MAP2K5: variants seen among roughly 807,000 people sequenced by gnomAD.
MAP2K5 encodes mitogen-activated protein kinase kinase 5, also known as dual specificity mitogen-activated protein kinase kinase 5.
Under a neutral mutation model 83.1 loss-of-function variants are expected in MAP2K5, and 49 were observed. That is an observed-to-expected ratio of 0.59 (90% CI 0.47 to 0.75). The LOEUF is 0.75. MAP2K5 is among the 30% of genes least tolerant of loss of function. The pLI, the probability that MAP2K5 is intolerant of heterozygous loss-of-function variation, is 0.00. For missense variants in MAP2K5, 457 were observed against 557.5 expected (o/e 0.82, Z 1.82); for synonymous variants, 202 against 191.8 (o/e 1.05, Z -0.44).
intron 15 of MAP2K5, among the ~76,000 whole-genome samples, chr15:67,699,636 A>C (rs2088362045): frequency 6.6e-6 from 1 of 152,178 alleles, no homozygotes; most frequent in South Asian, 2.1e-4. Context: ...GAACCTCTCC[A>C]AAATTTTTCT....
At chr15:67,662,017 C>T (rs1203390520) in intron 12 of MAP2K5, among the ~76,000 whole-genome samples, 1 of 151,938 alleles carries the variant, frequency 6.6e-6, no homozygotes, top group Non-Finnish European at 1.5e-5. Flanking sequence ...GTCTTCCTGT[C>T]CAGAATACAT....
At chr15:67,609,400 TATA>T (rs2085855307) in intron 8 of MAP2K5, among the ~76,000 whole-genome samples, 2 of 150,080 alleles carry the variant, frequency 1.3e-5, no homozygotes, top group African/African-American at 2.5e-5. Flanking sequence ...CTATAGATTC[TATA>T]GACCTATTCT....
intron 16 of MAP2K5, among the ~76,000 whole-genome samples, chr15:67,725,744 A>G (rs1428375158): frequency 6.6e-6 from 1 of 152,208 alleles, no homozygotes; most frequent in Non-Finnish European, 1.5e-5. Context: ...TCACTGTGAT[A>G]CCTGTTAAGA....
intron 21 of MAP2K5, 95 bp from the exon 22 acceptor site, chr15:67,806,551 A>C: frequency 1.2e-5 from 13 of 1,067,654 alleles, no homozygotes; most frequent in Non-Finnish European, 1.5e-5. Context: ...TACTGGGGAA[A>C]GAGATCAGAT....
At chr15:67,754,552 T>G (rs2089789783) in intron 19 of MAP2K5, among the ~76,000 whole-genome samples, 1 of 152,210 alleles carries the variant, frequency 6.6e-6, no homozygotes, top group Non-Finnish European at 1.5e-5. Context: ...GAATTAGATT[T>G]GATTCATTAT....
At chr15:67,700,872 G>T (rs1027655750) in intron 15 of MAP2K5, among the ~76,000 whole-genome samples, 4 of 150,500 alleles carry the variant, frequency 2.7e-5, no homozygotes, top group African/African-American at 9.8e-5. Context: ...CCTTAAAAGA[G>T]TTCTCTTATT....
Position 67,681,161 on chromosome 15 carries a change from C to G in MAP2K5, c.848-11318C>G, listed in dbSNP as rs1322729663. On this transcript the variant is annotated intron_variant, in intron 13 of 21. Transcript: ENST00000178640. ...CAGGCCCACTTCATTCTCTTAACAGCCTTGTCAATGTAGGAAGATCAGATA... is the reference window on the plus strand; with the variant it reads ...CAGGCCCACTTCATTCTCTTAACAGGCTTGTCAATGTAGGAAGATCAGATA... 3.9e-5 allele frequency among the ~76,000 whole-genome samples: 6 copies of G among 152,176 alleles called. No homozygotes were observed. The East Asian group carries it at 1.2e-3, about 29-fold the overall frequency.
intron 15 of MAP2K5, among the ~76,000 whole-genome samples, chr15:67,699,593 TGGTTTGA>T (rs2088361580): frequency 6.6e-6 from 1 of 152,092 alleles, no homozygotes; most frequent in East Asian, 1.9e-4. Context: ...TGCTGAGAAG[TGGTTTGA>T]GGTGGTCTCC....
In MAP2K5 at chr15:67,614,047, A is replaced by G. The variant is rs528041808; in HGVS notation, c.545+13298A>G. Among the ~76,000 whole-genome samples, 4 of 152,322 alleles carry G rather than the reference A, an allele frequency of 2.6e-5. No individual in the cohort carries two copies. The South Asian group carries it at 8.3e-4, about 32-fold the overall frequency. On this transcript the variant is annotated intron_variant, in intron 8 of 21. Transcript: ENST00000178640. ...TGACCATATCCAGAGAATGTTGAAG[A>G]CAACTGAAATTAGAGGATCTAGAAG...
chr15:67,693,586 A>C lies in MAP2K5; in HGVS notation c.972+18A>C. 1 of 1,589,806 alleles carries C rather than the reference A, an allele frequency of 6.3e-7. No individual in the cohort carries two copies. Among genetic ancestry groups the C allele is most frequent in the Non-Finnish European group, 8.6e-7 (1 of 1,159,138 alleles). On this transcript the variant is annotated intron_variant, in intron 15 of 21. Coordinates refer to ENST00000178640, the MANE Select transcript of MAP2K5 (RefSeq NM_145160.3). ...ATATGGCGGTAAGTAAACTTATGCA[A>C]AAATAATGTTTAAAACCAACATCTT...
chr15:67,633,350 G>A (rs1409764927), intron 9 of MAP2K5, among the ~76,000 whole-genome samples: 1 of 152,178 alleles, frequency 6.6e-6, no homozygotes, highest in Non-Finnish European at 1.5e-5. Flanking sequence ...TTTACTCCAG[G>A]AGAGGGGAAC....
chr15:67,762,667 C>T (rs2089972004), intron 19 of MAP2K5, among the ~76,000 whole-genome samples: 2 of 151,250 alleles, frequency 1.3e-5, no homozygotes, highest in Non-Finnish European at 2.9e-5. Context: ...GAAGAACTTC[C>T]AAAACACTTT....
chr15:67,727,144 G>C (rs1254465614), intron 16 of MAP2K5, among the ~76,000 whole-genome samples: 1 of 152,166 alleles, frequency 6.6e-6, no homozygotes, highest in Non-Finnish European at 1.5e-5. Context: ...AGGTTGCAGT[G>C]AGCCGAGATC....
Position 67,640,429 on chromosome 15 carries a change from C to G in MAP2K5, c.586-5802C>G, listed in dbSNP as rs2086687534. ...AGAAGCGTATTTGATCTTTTCCTGACCCTCTCCTGACTTTTGTGTGACTTC... is the reference window on the plus strand; with the variant it reads ...AGAAGCGTATTTGATCTTTTCCTGAGCCTCTCCTGACTTTTGTGTGACTTC... On this transcript the variant is annotated intron_variant, in intron 9 of 21. Transcript: ENST00000178640. The surrounding 1 kb of genome is among the most constrained non-coding windows in gnomAD (Gnocchi z 4.6). 1 of 167,108 alleles carries G rather than the reference C, an allele frequency of 6.0e-6. No homozygotes were observed. Among genetic ancestry groups the G allele is most frequent in the Admixed American group, 6.5e-5 (1 of 15,284 alleles). The allele number at this position is 167,108 out of a possible 1,614,324, so 10.4% of individuals were successfully genotyped here.
At chr15:67,650,491 T>C (rs1366117705) in intron 11 of MAP2K5, among the ~76,000 whole-genome samples, 3 of 146,048 alleles carry the variant, frequency 2.1e-5, no homozygotes, top group Non-Finnish European at 3.0e-5. Flanking sequence ...TTGAGGAAAT[T>C]CCTTTCTATT....
rs888580437 is a variant in MAP2K5, at chr15:67,781,720, A to G, written c.1242+8968A>G. Among the ~76,000 whole-genome samples the G allele has an allele frequency of 6.6e-6, 1 of 152,188 alleles. No homozygotes were observed. Among genetic ancestry groups the G allele is most frequent in the Admixed American group, 6.5e-5 (1 of 15,276 alleles). ...AAAAGTTCCCTTGACACAAATGAAAATGGAATTTTCAAATGTAACCCGATT... is the reference window on the plus strand; with the variant it reads ...AAAAGTTCCCTTGACACAAATGAAAGTGGAATTTTCAAATGTAACCCGATT... On this transcript the variant is annotated intron_variant, in intron 21 of 21. Coordinates refer to ENST00000178640, the MANE Select transcript of MAP2K5 (RefSeq NM_145160.3). The surrounding 1 kb of genome is among the most constrained non-coding windows in gnomAD (Gnocchi z 4.0).
intron 16 of MAP2K5, among the ~76,000 whole-genome samples, chr15:67,716,260 G>A (rs568304359): frequency 3.7e-4 from 57 of 152,282 alleles, no homozygotes; most frequent in Middle Eastern, 3.4e-3. Context: ...AGGATCCCTT[G>A]AGCCCAGGAG....
rs2086980136 is a variant in MAP2K5 at position 67,652,625 on chromosome 15, T to C, written c.737-5928T>C. Among the ~76,000 whole-genome samples the C allele has an allele frequency of 6.6e-6, 1 of 152,214 alleles. No homozygotes were observed. Among genetic ancestry groups the C allele is most frequent in the African/African-American group, 2.4e-5 (1 of 41,458 alleles). ...CAACATTGGGAGTGAGATTTCAACA[T>C]GAGTTTTGAAGGGGACAAATATTCA... On this transcript the variant is annotated intron_variant, in intron 11 of 21. Coordinates refer to ENST00000178640, the MANE Select transcript of MAP2K5 (RefSeq NM_145160.3). The surrounding 1 kb of genome is among the most constrained non-coding windows in gnomAD (Gnocchi z 4.2).
intron 3 of MAP2K5, among the ~76,000 whole-genome samples, chr15:67,575,920 T>TTTCTTTCTTTC (rs1567283588): frequency 1.5e-4 from 19 of 126,220 alleles, no homozygotes; most frequent in African/African-American, 5.4e-4. Flanking sequence ...TTCTTTCTTT[T>TTTCTTTCTTTC]TTTTTTTTTT....
Sources: gnomAD v4.1 joint callset for allele counts (sites outside exome capture counted in the v4.1 genomes callset) on GRCh38, gnomAD v4.1.1 for gene constraint, Gnocchi (gnomAD v3.1) non-coding constraint, MANE v1.5 for transcripts, NCBI Gene and HGNC (gene_info 2026-07-23, HGNC 2026-07-21) for gene names.